SRGAP1: variants seen among roughly 807,000 people sequenced by gnomAD.
The protein encoded by SRGAP1 is SLIT-ROBO Rho GTPase-activating protein 1.
Under a neutral mutation model 121.9 loss-of-function variants are expected in SRGAP1, and 43 were observed. That is an observed-to-expected ratio of 0.35 (90% CI 0.28 to 0.46). The LOEUF (loss-of-function observed/expected upper bound fraction) is 0.46. Ranked by LOEUF, SRGAP1 falls within the 20% of genes least tolerant of loss-of-function variation. The pLI is 1.00. For missense variants in SRGAP1, 1,102 were observed against 1,350.9 expected (o/e 0.82, Z 2.89); for synonymous variants, 447 against 485.4 (o/e 0.92, Z 1.04).
At chr12:64,108,312 C>T (rs774187327) in intron 15 of SRGAP1, among the ~76,000 whole-genome samples, 4 of 151,816 alleles carry the variant, frequency 2.6e-5, no homozygotes, top group African/African-American at 4.8e-5. Context: ...ACAGGGAAGA[C>T]GAGATAAGGA....
At chr12:63,913,065 C>T (rs1242951909) in intron 1 of SRGAP1, among the ~76,000 whole-genome samples, 1 of 151,902 alleles carries the variant, frequency 6.6e-6, no homozygotes, top group African/African-American at 2.4e-5. Context: ...CCTCGATCTG[C>T]CTCTTCTTCT....
chr12:63,853,511 G>A (rs56080061), intron 1 of SRGAP1, among the ~76,000 whole-genome samples: 42,336 of 152,100 alleles, frequency 0.28, 6,724 homozygotes, highest in East Asian at 0.55. Context: ...ATTTTATGAT[G>A]TGGTTAATTG....
chr12:64,032,515 G>A lies in SRGAP1; in HGVS notation c.490-10275G>A. On this transcript the variant is annotated intron_variant, in intron 4 of 21. Coordinates refer to ENST00000355086, the MANE Select transcript of SRGAP1 (RefSeq NM_020762.4). ...TTATCCAGCAGCCAGGCATGGAGCA[G>A]GCCTGGGCCAGCACAGAGTGACCCA... 2.5e-6 allele frequency: 3 copies of A among 1,206,110 alleles called. No homozygotes were observed. In the South Asian group the frequency reaches 3.8e-5, roughly 15 times the overall value. 74.7% of individuals were successfully genotyped at this position (1,206,110 alleles called of 1,614,324 possible).
chr12:63,891,011 A>G (rs1318595102), intron 1 of SRGAP1, among the ~76,000 whole-genome samples: 2 of 152,136 alleles, frequency 1.3e-5, no homozygotes, highest in Non-Finnish European at 2.9e-5. Flanking sequence ...GCCTAGTTCC[A>G]TGTTGCTGAT....
intron 4 of SRGAP1, among the ~76,000 whole-genome samples, chr12:64,039,875 T>C (rs975257385): frequency 1.3e-5 from 2 of 152,110 alleles, no homozygotes; most frequent in African/African-American, 4.8e-5. Context: ...ATTTTGCTTT[T>C]AAACTGGAGT....
At chr12:64,008,650 C>G (rs2034159689) in intron 3 of SRGAP1, among the ~76,000 whole-genome samples, 2 of 152,116 alleles carry the variant, frequency 1.3e-5, no homozygotes, top group African/African-American at 4.8e-5. Flanking sequence ...CTGTTTCTCT[C>G]CTAGACTGTA....
At chr12:63,931,644 G>T (rs2136338551) in intron 1 of SRGAP1, among the ~76,000 whole-genome samples, 1 of 152,280 alleles carries the variant, frequency 6.6e-6, no homozygotes, top group Non-Finnish European at 1.5e-5. Context: ...GACAAGACAT[G>T]ATGCTACGTG....
At chr12:64,021,836 G>A (rs572849690) in intron 4 of SRGAP1, among the ~76,000 whole-genome samples, 3 of 152,164 alleles carry the variant, frequency 2.0e-5, no homozygotes, top group South Asian at 4.1e-4. Flanking sequence ...TGATTTAACA[G>A]GTGGAATTCA....
intron 3 of SRGAP1, among the ~76,000 whole-genome samples, chr12:64,011,694 G>C (rs1185424600): frequency 6.6e-6 from 1 of 152,126 alleles, no homozygotes; most frequent in Non-Finnish European, 1.5e-5. Flanking sequence ...ACATTTACTA[G>C]GTAGTTGTTA....
chr12:63,944,629 G>C (rs935981959), intron 1 of SRGAP1, among the ~76,000 whole-genome samples: 1 of 152,218 alleles, frequency 6.6e-6, no homozygotes, highest in Non-Finnish European at 1.5e-5. Context: ...CACCGGAACA[G>C]TAGTAGATGT....
At chr12:64,091,791 A>G in intron 12 of SRGAP1, 5 of 855,446 alleles carry the variant, frequency 5.8e-6, no homozygotes, top group Non-Finnish European at 8.9e-6. Context: ...TGAGGAATTC[A>G]TTATATTGAA....
At chr12:63,969,687 G>A (rs768509283) in intron 1 of SRGAP1, among the ~76,000 whole-genome samples, 10 of 151,930 alleles carry the variant, frequency 6.6e-5, no homozygotes, top group Admixed American at 6.6e-5. Context: ...CCAGCTACTC[G>A]GGAGGCTGAG....
At chr12:63,943,124 A>G (rs1565961163) in intron 1 of SRGAP1, among the ~76,000 whole-genome samples, 2 of 151,668 alleles carry the variant, frequency 1.3e-5, no homozygotes, top group Middle Eastern at 3.4e-3. Context: ...GAGAAACAGT[A>G]TTTTTTTTTC....
chr12:63,949,637 C>T (rs1418248835), intron 1 of SRGAP1, among the ~76,000 whole-genome samples: 1 of 151,906 alleles, frequency 6.6e-6, no homozygotes, highest in Non-Finnish European at 1.5e-5. Context: ...CCGTTTTAGC[C>T]AGGATGGCCT....
Position 63,960,090 on chromosome 12 carries a change from C to T in SRGAP1, c.68-23857C>T, listed in dbSNP as rs554693864. ...ATGAAAGTTCTAATTAGTGCCTAGA[C>T]GATGGATCAACTTTTTACAACACCC... On this transcript the variant is annotated intron_variant, in intron 1 of 21. Coordinates refer to ENST00000355086, the MANE Select transcript of SRGAP1 (RefSeq NM_020762.4). Among the ~76,000 whole-genome samples, 17 of 152,284 alleles carry T rather than the reference C, an allele frequency of 1.1e-4. 1 individual carries two copies. The highest frequency in any genetic ancestry group is 3.3e-4 in the Admixed American group (5 of 15,302).
At position 64,055,831 on chromosome 12, in the gene SRGAP1, T is replaced by C. The variant is rs1285687129; in HGVS notation, c.802-7086T>C. 2.6e-5 allele frequency among the ~76,000 whole-genome samples: 4 copies of C among 152,208 alleles called. No individual in the cohort carries two copies. In the East Asian group the frequency reaches 7.7e-4, roughly 29 times the overall value. On this transcript the variant is annotated intron_variant, in intron 6 of 21. Transcript: ENST00000355086. ...CCCTTTTTGGCTGGACTTCTGAATG[T>C]TGGGAGTCACCTGAGGCATTATCTC... is the stretch of plus-strand genomic sequence containing the variant.
intron 15 of SRGAP1, chr12:64,108,652 C>T: frequency 4.0e-6 from 1 of 249,262 alleles, no homozygotes; most frequent in Non-Finnish European, 7.6e-6. Context: ...TTAGAATTAG[C>T]AGCAAAGGAA....
intron 1 of SRGAP1, among the ~76,000 whole-genome samples, chr12:63,873,838 G>T (rs1381459431): frequency 1.3e-5 from 2 of 151,212 alleles, no homozygotes; most frequent in Non-Finnish European, 2.9e-5. Flanking sequence ...AGACCAACCT[G>T]GTAACGTGAC....
At chr12:64,137,024 G>A (rs1379893543) in intron 21 of SRGAP1, among the ~76,000 whole-genome samples, 1 of 152,120 alleles carries the variant, frequency 6.6e-6, no homozygotes, top group African/African-American at 2.4e-5. Flanking sequence ...AGCACTTTGG[G>A]AGGCTGAGGC....
Sources: allele counts gnomAD v4.1 joint callset (sites outside exome capture counted in the v4.1 genomes callset), GRCh38; gene constraint gnomAD v4.1.1; transcripts MANE v1.5; gene names NCBI Gene and HGNC (gene_info 2026-07-23, HGNC 2026-07-21).